The following DLG2 variants were observed in gnomAD, a reference collection of about 807,000 sequenced individuals.
DLG2 encodes discs large MAGUK scaffold protein 2, also known as disks large homolog 2.
A neutral mutation model predicts 132.5 loss-of-function variants in DLG2; 45 were observed. The ratio of observed to expected loss-of-function variants is 0.34; its 90% confidence interval spans 0.27 to 0.44. The LOEUF (loss-of-function observed/expected upper bound fraction) is 0.44, where lower values mean the gene tolerates loss of function less well. Among genes scored for constraint, DLG2 ranks in the 20% least tolerant of loss-of-function variants. The probability of loss-of-function intolerance (pLI) is 1.00; values close to 1 mark genes in which losing one functional copy is unlikely to be tolerated. For synonymous variants in DLG2, 424 were observed against 419.6 expected, an observed-to-expected ratio of 1.01 and a Z score of -0.13; for missense variants, 1,045 against 1,196.9, an observed-to-expected ratio of 0.87 and a Z score of 1.87.
intron 8 of DLG2, among the ~76,000 whole-genome samples, chr11:84,241,996 C>T (rs2097234631): frequency 6.6e-6 from 1 of 152,176 alleles, no homozygotes; most frequent in African/African-American, 2.4e-5. Flanking sequence ...AGAAGCTACA[C>T]AAATATTTTT....
At chr11:83,855,321 C>G (rs1312636896) in intron 16 of DLG2, among the ~76,000 whole-genome samples, 1 of 152,154 alleles carries the variant, frequency 6.6e-6, no homozygotes, top group African/African-American at 2.4e-5. Context: ...CTTGGTATTT[C>G]TCCAAAGAAG....
Position 83,462,069 on chromosome 11 carries a change from C to T in DLG2, c.2754G>A (p.Glu918=). Residue 918 remains glutamate, a synonymous_variant, in exon 27 of 28, where the codon GAG becomes GAA. Coordinates refer to ENST00000376104, the MANE Select transcript of DLG2 (RefSeq NM_001142699.3). ...PLMEMNKRLT[E]EQAKKTYDRA... The stretch of plus-strand genomic sequence containing the variant: ...GATCATAGGTTTTCTTGGCTTGTTC[C>T]TCTGTTAGACGCTTATTCATCTCCC... The T allele has an allele frequency of 1.9e-6, 3 of 1,612,308 alleles. No individual in the cohort carries two copies. Among genetic ancestry groups the T allele is most frequent in the Non-Finnish European group, 2.5e-6 (3 of 1,178,416 alleles).
intron 6 of DLG2, among the ~76,000 whole-genome samples, chr11:84,600,174 A>AAGAAAGAAAGAAAGAAAGAAAGAAAGAT (rs1367899709): frequency 7.7e-6 from 1 of 129,936 alleles, no homozygotes; most frequent in African/African-American, 3.4e-5. Context: ...GAAAGAAAGA[A>AAGAAAGAAAGAAAGAAAGAAAGAAAGAT]AGAAAGAAAG....
chr11:85,433,129 TC>T (rs1424466716), intron 3 of DLG2, among the ~76,000 whole-genome samples: 4 of 152,176 alleles, frequency 2.6e-5, no homozygotes, highest in Non-Finnish European at 5.9e-5. Context: ...AGAGAATTCA[TC>T]ACCATTAGGC....
At chr11:84,032,616 G>A (rs2154093193) in intron 11 of DLG2, among the ~76,000 whole-genome samples, 1 of 152,304 alleles carries the variant, frequency 6.6e-6, no homozygotes, top group South Asian at 2.1e-4. Flanking sequence ...TTATCCAGAA[G>A]ATCTACCTAA....
chr11:84,977,397 G>C (rs2055054591), intron 6 of DLG2, among the ~76,000 whole-genome samples: 1 of 152,142 alleles, frequency 6.6e-6, no homozygotes, highest in Non-Finnish European at 1.5e-5. Context: ...ACCCCTTTGA[G>C]CTTCTGACTC....
At chr11:83,880,248 G>A (rs2065835623) in intron 15 of DLG2, among the ~76,000 whole-genome samples, 1 of 152,144 alleles carries the variant, frequency 6.6e-6, no homozygotes, top group South Asian at 2.1e-4. Context: ...ATTCAGAAAA[G>A]TAAACCTGAA....
chr11:85,229,770 G>T (rs1343026845), intron 4 of DLG2, among the ~76,000 whole-genome samples: 1 of 152,086 alleles, frequency 6.6e-6, no homozygotes, highest in Admixed American at 6.6e-5. Context: ...ACTGGATAAA[G>T]AATATGTGGC....
intron 19 of DLG2, among the ~76,000 whole-genome samples, chr11:83,545,860 CT>C (rs1565735567): frequency 6.6e-6 from 1 of 152,138 alleles, no homozygotes. Context: ...CTTCTGGCTC[CT>C]TTGGATATTA....
intron 18 of DLG2, among the ~76,000 whole-genome samples, chr11:83,686,582 T>A (rs868293719): frequency 6.8e-6 from 1 of 147,738 alleles, no homozygotes; most frequent in African/African-American, 2.7e-5. Flanking sequence ...ATGAATGTTA[T>A]ATGTAATATG....
chr11:84,928,982 G>GTGTGTGTGTGTGTATATATATATATA (rs1400906684), intron 6 of DLG2, among the ~76,000 whole-genome samples: 1 of 49,116 alleles, frequency 2.0e-5, no homozygotes, highest in Non-Finnish European at 3.6e-5. Flanking sequence ...GTGTGTGTGT[G>GTGTGTGTGTGTGTATATATATATATA]TATATATATA....
At chr11:84,374,445 T>C (rs2098721067) in intron 7 of DLG2, among the ~76,000 whole-genome samples, 1 of 152,218 alleles carries the variant, frequency 6.6e-6, no homozygotes, top group South Asian at 2.1e-4. Context: ...AACATGAATT[T>C]GTAAACTTTC....
At chr11:84,674,767 C>A (rs1381596395) in intron 6 of DLG2, among the ~76,000 whole-genome samples, 1 of 152,050 alleles carries the variant, frequency 6.6e-6, no homozygotes, top group Non-Finnish European at 1.5e-5. Flanking sequence ...TGTATGTGTC[C>A]ATAAATATGT....
chr11:84,985,516 T>A (rs2056361920), intron 6 of DLG2, among the ~76,000 whole-genome samples: 1 of 151,004 alleles, frequency 6.6e-6, no homozygotes, highest in African/African-American at 2.4e-5. Context: ...AACGACTACA[T>A]CAAAAAGTCT....
At chr11:85,397,942 C>T (rs192871197) in intron 3 of DLG2, among the ~76,000 whole-genome samples, 3 of 152,182 alleles carry the variant, frequency 2.0e-5, no homozygotes. Context: ...TAGACATCTA[C>T]AGAACTCTCC....
chr11:84,955,156 G>A (rs553223303), intron 6 of DLG2, among the ~76,000 whole-genome samples: 2 of 152,268 alleles, frequency 1.3e-5, no homozygotes, highest in South Asian at 2.1e-4. Flanking sequence ...ACTCCTTGAG[G>A]GAAGAATATT....
At chr11:83,587,880 G>C (rs879905527) in intron 19 of DLG2, among the ~76,000 whole-genome samples, 1 of 152,172 alleles carries the variant, frequency 6.6e-6, no homozygotes, top group Non-Finnish European at 1.5e-5. Flanking sequence ...AAGGGGTGAC[G>C]GACGGCACCT....
chr11:85,273,643 T>C (rs1485246622), intron 4 of DLG2, among the ~76,000 whole-genome samples: 1 of 152,194 alleles, frequency 6.6e-6, no homozygotes, highest in Non-Finnish European at 1.5e-5. Flanking sequence ...AGGAACACTT[T>C]TACACTGTTG....
At chr11:84,876,329 G>A (rs1042732930) in intron 6 of DLG2, among the ~76,000 whole-genome samples, 2 of 152,104 alleles carry the variant, frequency 1.3e-5, no homozygotes, top group Non-Finnish European at 2.9e-5. Flanking sequence ...TTTTTTGATT[G>A]GTAGGCTATT....
Sources: allele counts gnomAD v4.1 joint callset (sites outside exome capture counted in the v4.1 genomes callset), GRCh38; gene constraint gnomAD v4.1.1; transcripts MANE v1.5; gene names NCBI Gene and HGNC (gene_info 2026-07-23, HGNC 2026-07-21).